The following CLTCL1 variants were observed in gnomAD, a reference collection of about 807,000 sequenced individuals.
The protein encoded by CLTCL1 is clathrin heavy chain 2.
In CLTCL1, 159 loss-of-function variants were observed where a neutral mutation model predicts 190.0. The observed-to-expected ratio is 0.84, with a 90% CI of 0.74 to 0.95. The LOEUF (loss-of-function observed/expected upper bound fraction) is 0.95. Among genes scored for constraint, CLTCL1 ranks in the 40% least tolerant of loss-of-function variants. The pLI, the probability that CLTCL1 is intolerant of heterozygous loss-of-function variation, is 0.00. For missense variants in CLTCL1, 1,878 were observed against 2,033.4 expected, an observed-to-expected ratio of 0.92 and a Z score of 1.47; for synonymous variants, 752 against 769.6, an observed-to-expected ratio of 0.98 and a Z score of 0.38.
intron 27 of CLTCL1, among the ~76,000 whole-genome samples, chr22:19,190,142 T>G (rs782818606): frequency 2.1e-4 from 32 of 152,284 alleles, no homozygotes; most frequent in Non-Finnish European, 4.0e-4. Context: ...GGTTTCACCA[T>G]GTTGGCCAGG....
chr22:19,180,286 G>A, intron 31 of CLTCL1, 48 bp from the exon 32 acceptor site: 1 of 1,606,658 alleles, frequency 6.2e-7, no homozygotes, highest in Non-Finnish European at 8.5e-7. Flanking sequence ...CACTCAGCCG[G>A]ACGCTGGAGA....
chr22:19,289,078 G>GGTTCAAGAGATTCTCCCGC lies in CLTCL1; in HGVS notation c.42+2503_42+2521dup, dbSNP rs2088013985. On this transcript the variant is annotated intron_variant, in intron 1 of 32. Transcript: ENST00000427926. ...GGCTCACTGCAACCTCTGCCTCCCG[G>GGTTCAAGAGATTCTCCCGC]GTTCAAGAGATTCTCCCGCCTCAGC... Among the ~76,000 whole-genome samples the GGTTCAAGAGATTCTCCCGC allele has an allele frequency of 2.0e-5, 3 of 152,142 alleles. No individual in the cohort carries two copies. The South Asian group carries it at 6.2e-4, about 32-fold the overall frequency.
intron 2 of CLTCL1, among the ~76,000 whole-genome samples, chr22:19,273,641 G>C (rs570625269): frequency 1.3e-5 from 2 of 152,284 alleles, no homozygotes; most frequent in East Asian, 3.9e-4. Flanking sequence ...GCTAAAATGA[G>C]TGACTGCTAC....
At chr22:19,202,903 C>T (rs1555940740) in intron 22 of CLTCL1, among the ~76,000 whole-genome samples, 1 of 152,216 alleles carries the variant, frequency 6.6e-6, no homozygotes, top group African/African-American at 2.4e-5. Flanking sequence ...TCCCTGACCC[C>T]CTCTCCACAT....
At chr22:19,275,268 G>A (rs868928053) in intron 2 of CLTCL1, among the ~76,000 whole-genome samples, 4 of 152,082 alleles carry the variant, frequency 2.6e-5, no homozygotes, top group African/African-American at 7.2e-5. Context: ...AGCCTGTGTC[G>A]TCGGATGACC....
chr22:19,207,605 T>A (rs1555943490), intron 22 of CLTCL1: 1 of 413,454 alleles, frequency 2.4e-6, no homozygotes, highest in African/African-American at 2.0e-5. Context: ...CCGCTGCTGG[T>A]CTGTGGCCTG....
intron 29 of CLTCL1, chr22:19,184,821 G>C (rs2084259023): frequency 1.5e-5 from 5 of 333,090 alleles, no homozygotes; most frequent in South Asian, 4.6e-5. Context: ...CTGGAGCCCA[G>C]CTCGAGTCAG....
At chr22:19,289,760 C>T (rs1286549427) in intron 1 of CLTCL1, among the ~76,000 whole-genome samples, 1 of 152,144 alleles carries the variant, frequency 6.6e-6, no homozygotes, top group Non-Finnish European at 1.5e-5. Flanking sequence ...GAAAGGACAC[C>T]TACTTTTGAG....
At chr22:19,192,227 G>A (rs1009337808) in intron 26 of CLTCL1, among the ~76,000 whole-genome samples, 3 of 151,990 alleles carry the variant, frequency 2.0e-5, no homozygotes, top group Admixed American at 1.3e-4. Context: ...CACCATGCCC[G>A]GCTAATTTTT....
Position 19,212,567 on chromosome 22 carries a change from G to GAGAA in CLTCL1, c.3066-2062_3066-2059dup, listed in dbSNP as rs200224103. 6.1e-4 allele frequency among the ~76,000 whole-genome samples: 86 copies of GAGAA among 141,706 alleles called. No homozygotes were observed. The East Asian group carries it at 0.011, about 19-fold the overall frequency. 93.0% of individuals were successfully genotyped at this position (141,706 alleles called of 152,430 possible). A position where few individuals can be genotyped will look rare whatever the true frequency, so the allele number is the denominator to read the frequency against. ...CAGAGGGAGACCCTATTGAAAGAAA[G>GAGAA]AGAAAGAAAGAAAGAAAGAGAAAGA... On this transcript the variant is annotated intron_variant, in intron 19 of 32. Transcript: ENST00000427926.
At chr22:19,195,449 G>A (rs1056565727) in intron 26 of CLTCL1, among the ~76,000 whole-genome samples, 1 of 152,152 alleles carries the variant, frequency 6.6e-6, no homozygotes, top group Non-Finnish European at 1.5e-5. Context: ...TGCCACTCGC[G>A]CCCACCCTCA....
intron 2 of CLTCL1, among the ~76,000 whole-genome samples, chr22:19,270,057 G>A (rs2146248313): frequency 6.6e-6 from 1 of 152,072 alleles, no homozygotes; most frequent in East Asian, 1.9e-4. Context: ...CTAAAAACTG[G>A]AAACAATCCA....
At chr22:19,268,682 T>C (rs1415753350) in intron 2 of CLTCL1, among the ~76,000 whole-genome samples, 2 of 152,082 alleles carry the variant, frequency 1.3e-5, no homozygotes, top group African/African-American at 4.8e-5. Flanking sequence ...ATTGCTATAA[T>C]AAAAAAGATA....
intron 3 of CLTCL1, among the ~76,000 whole-genome samples, chr22:19,249,046 C>T (rs1410529374): frequency 1.3e-5 from 2 of 152,134 alleles, no homozygotes; most frequent in African/African-American, 4.8e-5. Context: ...CAATTGACCA[C>T]AAGGGATACA....
intron 7 of CLTCL1, 124 bp downstream of exon 7, chr22:19,234,384 TA>T: frequency 1.1e-6 from 1 of 898,370 alleles, no homozygotes; most frequent in Non-Finnish European, 1.6e-6. Flanking sequence ...AATTTTAAAC[TA>T]AAAACTCCTA....
intron 22 of CLTCL1, among the ~76,000 whole-genome samples, chr22:19,202,923 C>T (rs555670775): frequency 6.6e-6 from 1 of 152,346 alleles, no homozygotes; most frequent in South Asian, 2.1e-4. Flanking sequence ...TGCTCCATGT[C>T]AGGGTTTCAG....
intron 1 of CLTCL1, among the ~76,000 whole-genome samples, chr22:19,285,908 CA>C (rs2087890577): frequency 6.6e-6 from 1 of 152,174 alleles, no homozygotes; most frequent in Non-Finnish European, 1.5e-5. Context: ...TGTTAAGTTA[CA>C]AAAGCAAAGG....
chr22:19,244,345 T>G (rs1027682308), intron 3 of CLTCL1, among the ~76,000 whole-genome samples: 1 of 152,206 alleles, frequency 6.6e-6, no homozygotes, highest in Non-Finnish European at 1.5e-5. Flanking sequence ...CATGAAAGGC[T>G]GCATATTGTC....
In CLTCL1 at chr22:19,200,578, T is replaced by C. The variant is rs192823810; in HGVS notation, c.3766-737A>G. ...GGCCTTGGCCGGGCGCAGTGGCTCA[T>C]GCCTGTAATCCCAGCACTTTGGGAG... On this transcript the variant is annotated intron_variant, in intron 23 of 32. Coordinates refer to ENST00000427926, the MANE Select transcript of CLTCL1 (RefSeq NM_007098.4). Among the ~76,000 whole-genome samples the C allele has an allele frequency of 3.3e-5, 5 of 152,318 alleles. No individual in the cohort carries two copies. In the East Asian group the frequency reaches 9.6e-4, roughly 29 times the overall value.
Sources: allele counts gnomAD v4.1 joint callset (sites outside exome capture counted in the v4.1 genomes callset), GRCh38; gene constraint gnomAD v4.1.1; transcripts MANE v1.5; gene names NCBI Gene and HGNC (gene_info 2026-07-23, HGNC 2026-07-21).